SETMAR: variants seen among roughly 807,000 people sequenced by gnomAD.
SETMAR encodes histone-lysine N-methyltransferase SETMAR.
In SETMAR, 44 loss-of-function variants were observed where a neutral mutation model predicts 58.4. The observed-to-expected ratio is 0.75, with a 90% CI of 0.59 to 0.97. SETMAR has a LOEUF of 0.97. Among genes scored for constraint, SETMAR ranks in the 50% least tolerant of loss-of-function variants. The pLI is 0.00. For synonymous variants in SETMAR, 332 were observed against 307.4 expected (o/e 1.08, Z -0.84); for missense variants, 903 against 840.2 (o/e 1.07, Z -0.92).
rs780942634 is a variant in SETMAR at position 4,313,504 on chromosome 3, G to A, written c.763G>A (p.Glu255Lys). The change falls in exon 2 of 3, where the codon GAA becomes AAA. Residue 255 changes from glutamate (E) to lysine (K), a missense_variant. Physicochemically the swap from Glu to Lys is moderately conservative, Grantham distance 56 (BLOSUM62 1). Coordinates refer to ENST00000358065, the MANE Select transcript of SETMAR (RefSeq NM_006515.4). ...ALFAAKDIVP[E>K]EELSYDYSGR... ...TTTTGCAGCCAAAGATATTGTGCCAGAAGAAGAACTCTCTTATGATTATTC... is the reference window on the plus strand; with the variant it reads ...TTTTGCAGCCAAAGATATTGTGCCAAAAGAAGAACTCTCTTATGATTATTC... 18 of 1,613,636 alleles carry A rather than the reference G, an allele frequency of 1.1e-5. No homozygotes were observed. The highest frequency in any genetic ancestry group is 1.6e-4 in the Middle Eastern group (1 of 6,080).
At chr3:4,315,131 A>G (rs1158305978) in intron 2 of SETMAR, among the ~76,000 whole-genome samples, 1 of 152,192 alleles carries the variant, frequency 6.6e-6, no homozygotes, top group Admixed American at 6.5e-5. Context: ...TTACAAATAC[A>G]TAGTATCAAA....
In SETMAR at chr3:4,316,754, C is replaced by G. The variant is rs992053355; in HGVS notation, c.1563C>G (p.Phe521Leu). 1.9e-6 allele frequency: 3 copies of G among 1,550,658 alleles called. No homozygotes were observed. The African/African-American group carries it at 4.1e-5, about 21-fold the overall frequency. The change falls in exon 3 of 3, where the codon TTC (phenylalanine) becomes TTG (leucine). Residue 521 changes from phenylalanine to leucine, a missense_variant. Physicochemically the swap from Phe to Leu is conservative, Grantham distance 22. Transcript: ENST00000358065. The stretch of plus-strand genomic sequence containing the variant: ...ATCAAGAAGAAGCTCCAAAGCACTT[C>G]CCAAAGCCAATCTTGCACCCAAAAA... ...WLDQEEAPKHFPKPILHPKKV... is the reference protein window; with the variant it reads ...WLDQEEAPKHLPKPILHPKKV...
At chr3:4,311,756 T>A (rs1167166186) in intron 1 of SETMAR, among the ~76,000 whole-genome samples, 1 of 152,240 alleles carries the variant, frequency 6.6e-6, no homozygotes, top group Non-Finnish European at 1.5e-5. Context: ...TTACTCTCCT[T>A]ACTTGTTCAT....
At chr3:4,311,781 T>C (rs1440834918) in intron 1 of SETMAR, among the ~76,000 whole-genome samples, 1 of 152,234 alleles carries the variant, frequency 6.6e-6, no homozygotes, top group Non-Finnish European at 1.5e-5. Context: ...CTTACCTGTT[T>C]ATAAGTCTCA....
At chr3:4,304,309 T>C (rs1240644553) in intron 1 of SETMAR, among the ~76,000 whole-genome samples, 1 of 152,054 alleles carries the variant, frequency 6.6e-6, no homozygotes, top group African/African-American at 2.4e-5. Context: ...GCCCGGCTAA[T>C]TTTTGTATTT....
At chr3:4,309,161 T>C (rs1461474521) in intron 1 of SETMAR, among the ~76,000 whole-genome samples, 1 of 152,104 alleles carries the variant, frequency 6.6e-6, no homozygotes, top group African/African-American at 2.4e-5. Context: ...GGGTTTATTA[T>C]CATGCAGGTG....
At position 4,316,592 on chromosome 3, in the gene SETMAR, T is replaced by C; in HGVS notation, c.1401T>C (p.Asn467=). The C allele has an allele frequency of 4.5e-6, 7 of 1,551,326 alleles. No individual in the cohort carries two copies. Among genetic ancestry groups the C allele is most frequent in the Non-Finnish European group, 6.1e-6 (7 of 1,146,850 alleles). The stretch of plus-strand genomic sequence containing the variant: ...GGGTGCCTCATGAGCTGACTGAAAA[T>C]CAAAAAAATCGTCGTTTTGAAGTGT... The part of the protein sequence containing the change: ...DKWVPHELTE[N]QKNRRFEVSS... Residue 467 remains asparagine (N), a synonymous_variant, in exon 3 of 3, where the codon AAT becomes AAC. Coordinates refer to ENST00000358065, the MANE Select transcript of SETMAR (RefSeq NM_006515.4).
intron 2 of SETMAR, among the ~76,000 whole-genome samples, chr3:4,314,702 T>A (rs1441315781): frequency 6.6e-6 from 1 of 152,192 alleles, no homozygotes; most frequent in Non-Finnish European, 1.5e-5. Context: ...ACGGGAGTTT[T>A]ATGATCCCGT....
At chr3:4,303,661 A>C (rs1427775274) in intron 1 of SETMAR, 135 bp downstream of exon 1, 1 of 1,460,770 alleles carries the variant, frequency 6.8e-7, no homozygotes, top group East Asian at 2.8e-5. Flanking sequence ...GGTGCGCGGG[A>C]ATAGGTGTGC....
At chr3:4,306,997 C>T (rs578106296) in intron 1 of SETMAR, among the ~76,000 whole-genome samples, 1 of 152,296 alleles carries the variant, frequency 6.6e-6, no homozygotes, top group South Asian at 2.1e-4. Context: ...ATTTTTAGAT[C>T]TCAACAGGCC....
At chr3:4,308,782 A>G (rs1206989960) in intron 1 of SETMAR, among the ~76,000 whole-genome samples, 2 of 152,140 alleles carry the variant, frequency 1.3e-5, no homozygotes, top group Non-Finnish European at 2.9e-5. Flanking sequence ...CTAACCTCCT[A>G]ATTGAAGACA....
intron 2 of SETMAR, 140 bp from the exon 3 acceptor site, chr3:4,316,072 A>G (rs1698629746): frequency 1.9e-6 from 1 of 527,598 alleles, no homozygotes; most frequent in Non-Finnish European, 3.4e-6. Flanking sequence ...AAAAAAAGTA[A>G]CAGTTTTTGC....
Position 4,313,426 on chromosome 3 carries a change from A to C in SETMAR, c.685A>C (p.Asn229His). ...GRFLNHSCEP[N>H]LLMIPVRIDS... ...ATTCCTTAATCATTCTTGTGAGCCA[A>C]ACCTTTTGATGATTCCTGTCCGAAT... The change falls in exon 2 of 3, where the codon AAC becomes CAC. Residue 229 changes from asparagine (N) to histidine (H), a missense_variant. Asn to His is a moderately conservative substitution (Grantham distance 68). Transcript: ENST00000358065. The C allele has an allele frequency of 6.2e-7, 1 of 1,614,062 alleles. No homozygotes were observed.
intron 1 of SETMAR, among the ~76,000 whole-genome samples, chr3:4,305,564 T>A (rs1436231945): frequency 1.3e-5 from 2 of 152,204 alleles, no homozygotes; most frequent in Admixed American, 6.5e-5. Flanking sequence ...ATGTGGATTT[T>A]TCCCACAAGA....
At chr3:4,307,074 T>C (rs904657552) in intron 1 of SETMAR, among the ~76,000 whole-genome samples, 25 of 152,188 alleles carry the variant, frequency 1.6e-4, no homozygotes, top group Non-Finnish European at 3.1e-4. Flanking sequence ...CTTATGAGGC[T>C]AGAGGCCAAG....
Position 4,316,476 on chromosome 3 carries a change from A to G in SETMAR, c.1285A>G (p.Thr429Ala). The G allele has an allele frequency of 1.9e-6, 3 of 1,604,336 alleles. No homozygotes were observed. The highest frequency in any genetic ancestry group is 2.6e-6 in the Non-Finnish European group (3 of 1,175,390). The change falls in exon 3 of 3, where the codon ACA becomes GCA. Residue 429 changes from threonine to alanine, a missense_variant. Transcript: ENST00000358065. ...AIIEADPLTT[T>A]REVAEELNVN... ...CATCGAAGCTGATCCCCTTACAACT[A>G]CACGAGAAGTTGCTGAAGAACTCAA...
chr3:4,316,624 CTCTTAT>C lies in SETMAR; in HGVS notation c.1437_1442del (p.Ile480_Leu481del), dbSNP rs1367897127. The C allele has an allele frequency of 6.4e-7, 1 of 1,551,234 alleles. No homozygotes were observed. Among genetic ancestry groups the C allele is most frequent in the South Asian group, 1.2e-5 (1 of 84,046 alleles). On this transcript the variant is annotated inframe_deletion, in exon 3 of 3. Coordinates refer to ENST00000358065, the MANE Select transcript of SETMAR (RefSeq NM_006515.4). ...AATCGTCGTTTTGAAGTGTCATCTT[CTCTTAT>C]TCTACGCAACCACAACGAACCATTT...
chr3:4,305,606 CA>C (rs1237303544), intron 1 of SETMAR, among the ~76,000 whole-genome samples: 1 of 152,110 alleles, frequency 6.6e-6, no homozygotes, highest in Non-Finnish European at 1.5e-5. Context: ...CAAGATATGG[CA>C]AGGAAATATA....
At chr3:4,306,716 G>A (rs143951844) in intron 1 of SETMAR, among the ~76,000 whole-genome samples, 1 of 152,332 alleles carries the variant, frequency 6.6e-6, no homozygotes, top group Non-Finnish European at 1.5e-5. Context: ...GGTCAAAACA[G>A]CTTGCTTGCT....
Sources: gnomAD v4.1 joint callset for allele counts (sites outside exome capture counted in the v4.1 genomes callset) on GRCh38, gnomAD v4.1.1 for gene constraint, MANE v1.5 for transcripts, NCBI Gene and HGNC (gene_info 2026-07-23, HGNC 2026-07-21) for gene names.